Variants in LY86 observed in about 807,000 individuals in gnomAD.
LY86 encodes lymphocyte antigen 86, also known as MD-1, RP105-associated.
A neutral mutation model predicts 17.3 loss-of-function variants in LY86; 20 were observed. That is an observed-to-expected ratio of 1.15 (90% CI 0.81 to 1.68). LY86 has a LOEUF of 1.68. Ranked by LOEUF, LY86 falls within the 40% of genes most tolerant of loss-of-function variation. The probability of loss-of-function intolerance (pLI) is 0.00; values close to 1 mark genes in which losing one functional copy is unlikely to be tolerated. For missense variants in LY86, 200 were observed against 191.9 expected (o/e 1.04, Z -0.25); for synonymous variants, 74 against 70.6 (o/e 1.05, Z -0.24).
Position 6,588,852 on chromosome 6 carries a change from G to A in LY86, c.118G>A (p.Val40Met). 6.2e-7 allele frequency: 1 copy of A among 1,614,084 alleles called. No individual in the cohort carries two copies. The highest frequency in any genetic ancestry group is 2.2e-5 in the East Asian group (1 of 44,878). ...HVVCSDSGLE[V>M]LYQSCDPLQD... ...GGTCTGTAGCGACAGCGGCTTGGAA[G>A]TGCTCTACCAGAGTTGCGGTAAGCC... The change falls in exon 1 of 5, where the codon GTG becomes ATG. Residue 40 changes from valine to methionine, a missense_variant. Transcript: ENST00000230568.
intron 1 of LY86, among the ~76,000 whole-genome samples, chr6:6,609,072 A>C (rs1184775385): frequency 1.3e-5 from 2 of 152,240 alleles, no homozygotes; most frequent in African/African-American, 4.8e-5. Flanking sequence ...AGACCAAGCC[A>C]ACCGCAGCTC....
chr6:6,652,787 C>T (rs1762206920), intron 4 of LY86, among the ~76,000 whole-genome samples: 1 of 152,184 alleles, frequency 6.6e-6, no homozygotes, highest in Non-Finnish European at 1.5e-5. Context: ...CCTAAATATT[C>T]TTATCTCTTA....
chr6:6,632,449 T>G (rs920035816), intron 3 of LY86, among the ~76,000 whole-genome samples: 11 of 152,208 alleles, frequency 7.2e-5, no homozygotes, highest in African/African-American at 2.7e-4. Context: ...ATCACAGCAC[T>G]GAGTCCCTGG....
At chr6:6,614,105 G>C (rs1306376551) in intron 1 of LY86, among the ~76,000 whole-genome samples, 1 of 152,136 alleles carries the variant, frequency 6.6e-6, no homozygotes, top group Non-Finnish European at 1.5e-5. Flanking sequence ...GAAAATCAGT[G>C]TTTAGGAAAC....
intron 2 of LY86, 99 bp from the exon 3 acceptor site, chr6:6,626,194 A>G: frequency 8.1e-7 from 1 of 1,233,302 alleles, no homozygotes; most frequent in Non-Finnish European, 1.1e-6. Context: ...ATTAATGGAA[A>G]CAAAAGGTTC....
At chr6:6,611,678 G>C (rs114953191) in intron 1 of LY86, among the ~76,000 whole-genome samples, 1 of 152,284 alleles carries the variant, frequency 6.6e-6, no homozygotes, top group African/African-American at 2.4e-5. Context: ...TTGTGGCTAC[G>C]CTGCGCGCCG....
intron 1 of LY86, among the ~76,000 whole-genome samples, chr6:6,613,397 C>T (rs1004085046): frequency 2.0e-5 from 3 of 151,804 alleles, no homozygotes; most frequent in East Asian, 1.9e-4. Flanking sequence ...CGGGAGGAGA[C>T]TTCAGGCATG....
At chr6:6,593,710 A>C (rs1760603777) in intron 1 of LY86, among the ~76,000 whole-genome samples, 1 of 152,216 alleles carries the variant, frequency 6.6e-6, no homozygotes, top group Non-Finnish European at 1.5e-5. Flanking sequence ...AGTTTTTAAG[A>C]TGCTCAGCTT....
intron 3 of LY86, among the ~76,000 whole-genome samples, chr6:6,642,317 C>A (rs969071511): frequency 2.6e-5 from 4 of 152,248 alleles, no homozygotes; most frequent in African/African-American, 9.6e-5. Context: ...GCAGCCAAGC[C>A]TGCAGCACTG....
chr6:6,609,679 AT>A (rs112914392), intron 1 of LY86, among the ~76,000 whole-genome samples: 2,629 of 152,016 alleles, frequency 0.017, 81 homozygotes, highest in African/African-American at 0.059. Context: ...GTGCAAATTG[AT>A]TTTTTTCCTC....
intron 1 of LY86, among the ~76,000 whole-genome samples, chr6:6,604,449 A>G (rs905965342): frequency 2.6e-5 from 4 of 152,226 alleles, no homozygotes; most frequent in Non-Finnish European, 4.4e-5. Context: ...GAAATGAAAA[A>G]ATAATGGTTA....
Position 6,608,364 on chromosome 6 carries a change from C to T in LY86, c.137-16562C>T, listed in dbSNP as rs1997718. ...TTCAAGAGATAGCTAGCATGCATCGCGTTACTTAATTCATTTTCATGGAGG... is the reference window on the plus strand; with the variant it reads ...TTCAAGAGATAGCTAGCATGCATCGTGTTACTTAATTCATTTTCATGGAGG... On this transcript the variant is annotated intron_variant, in intron 1 of 4. Transcript: ENST00000230568. Among the ~76,000 whole-genome samples the T allele has an allele frequency of 2.8e-4, 42 of 152,330 alleles. No homozygotes were observed. In the East Asian group the frequency reaches 6.5e-3, roughly 24 times the overall value.
At chr6:6,607,824 C>G (rs1193215728) in intron 1 of LY86, among the ~76,000 whole-genome samples, 1 of 151,914 alleles carries the variant, frequency 6.6e-6, no homozygotes, top group Non-Finnish European at 1.5e-5. Context: ...CGCTTGAACC[C>G]GGGAGGCAAA....
intron 1 of LY86, among the ~76,000 whole-genome samples, chr6:6,605,013 G>T (rs887717080): frequency 6.7e-6 from 1 of 148,414 alleles, no homozygotes; most frequent in Non-Finnish European, 1.5e-5. Context: ...TCATTCAATA[G>T]TAAGTAAAAG....
At chr6:6,613,228 C>T (rs1428452038) in intron 1 of LY86, among the ~76,000 whole-genome samples, 2 of 144,884 alleles carry the variant, frequency 1.4e-5, no homozygotes, top group Non-Finnish European at 3.0e-5. Flanking sequence ...GTGGATCCGG[C>T]ACTAGGGCCG....
chr6:6,604,797 C>A (rs1761044199), intron 1 of LY86, among the ~76,000 whole-genome samples: 1 of 148,896 alleles, frequency 6.7e-6, no homozygotes, highest in East Asian at 2.0e-4. Context: ...AAAGAAATTT[C>A]ACAATTAGAC....
chr6:6,608,004 G>T (rs1280703254), intron 1 of LY86, among the ~76,000 whole-genome samples: 1 of 152,226 alleles, frequency 6.6e-6, no homozygotes, highest in Non-Finnish European at 1.5e-5. Flanking sequence ...CATTTTAAAA[G>T]TTAGCTGTCT....
chr6:6,606,908 T>C (rs1031440377), intron 1 of LY86, among the ~76,000 whole-genome samples: 1 of 152,142 alleles, frequency 6.6e-6, no homozygotes, highest in Non-Finnish European at 1.5e-5. Flanking sequence ...ACCTCAAGCG[T>C]GGACAGAGTG....
chr6:6,627,174 C>T (rs1554125762), intron 3 of LY86, among the ~76,000 whole-genome samples: 1 of 152,188 alleles, frequency 6.6e-6, no homozygotes, highest in Non-Finnish European at 1.5e-5. Context: ...GGGTCTCCTT[C>T]CTACTCCCAC....
Sources: gnomAD v4.1 joint callset for allele counts (sites outside exome capture counted in the v4.1 genomes callset) on GRCh38, gnomAD v4.1.1 for gene constraint, MANE v1.5 for transcripts, NCBI Gene and HGNC (gene_info 2026-07-23, HGNC 2026-07-21) for gene names.